Variants in COL1A2 observed in about 807,000 individuals in gnomAD.
COL1A2 encodes the protein collagen type I alpha 2 chain.
In COL1A2, 49 loss-of-function variants were observed where a neutral mutation model predicts 174.3. That is an observed-to-expected ratio of 0.28 (90% CI 0.22 to 0.36). The LOEUF (loss-of-function observed/expected upper bound fraction) is 0.36. Ranked by LOEUF, COL1A2 falls within the 10% of genes least tolerant of loss-of-function variation. COL1A2 has a pLI of 1.00. For missense variants in COL1A2, 1,438 were observed against 1,822.7 expected, an observed-to-expected ratio of 0.79 and a Z score of 3.84; for synonymous variants, 655 against 606.6, an observed-to-expected ratio of 1.08 and a Z score of -1.17.
At chr7:94,399,379 A>C (rs1364445384) in intron 4 of COL1A2, among the ~76,000 whole-genome samples, 1 of 152,164 alleles carries the variant, frequency 6.6e-6, no homozygotes, top group Non-Finnish European at 1.5e-5. Flanking sequence ...AAATATATCT[A>C]CCTACCACCA....
chr7:94,395,015 A>G lies in COL1A2; in HGVS notation c.-17A>G, dbSNP rs775681517. The G allele has an allele frequency of 8.7e-6, 14 of 1,612,610 alleles. No individual in the cohort carries two copies. The Admixed American group carries it at 2.3e-4, about 27-fold the overall frequency. On this transcript the variant is annotated 5_prime_UTR_variant, in exon 1 of 52. It removes an upstream start codon present in the reference 5' UTR. Coordinates refer to ENST00000297268, the MANE Select transcript of COL1A2 (RefSeq NM_000089.4). ...GGGCTCTGCGACACAAGGAGTCTGC[A>G]TGTCTAAGTGCTAGACATGCTCAGC...
rs1052617115 is a variant in COL1A2, at chr7:94,410,674, C to G, written c.1197+147C>G. 5.5e-6 allele frequency: 5 copies of G among 905,624 alleles called. No homozygotes were observed. The African/African-American group carries it at 8.3e-5, about 15-fold the overall frequency. The allele number at this position is 905,624 out of a possible 1,614,324, so 56.1% of individuals were successfully genotyped here. ...TCTGCCTTATTAAATCAGTGACTCT[C>G]AATTTAATATGTTATAAAATTGGCC... On this transcript the variant is annotated intron_variant, in intron 21 of 51. Transcript: ENST00000297268.
chr7:94,411,765 T>C (rs993255933), intron 23 of COL1A2, among the ~76,000 whole-genome samples: 2 of 152,248 alleles, frequency 1.3e-5, no homozygotes, highest in African/African-American at 2.4e-5. Flanking sequence ...TTAGTTTTTC[T>C]ATTATGAGGT....
chr7:94,396,983 G>A (rs1356207849), intron 1 of COL1A2, among the ~76,000 whole-genome samples: 1 of 151,922 alleles, frequency 6.6e-6, no homozygotes, highest in Non-Finnish European at 1.5e-5. Flanking sequence ...GCAAAAGGGG[G>A]GATAGTACTT....
intron 41 of COL1A2, 50 bp from the exon 42 acceptor site, chr7:94,425,067 G>A: frequency 3.9e-6 from 6 of 1,525,914 alleles, no homozygotes; most frequent in Non-Finnish European, 5.5e-6. Context: ...GGGAAGGTTA[G>A]CATTCCATCG....
chr7:94,397,847 T>C lies in COL1A2; in HGVS notation c.81+89T>C, dbSNP rs551787981. On this transcript the variant is annotated intron_variant, in intron 2 of 51. Coordinates refer to ENST00000297268, the MANE Select transcript of COL1A2 (RefSeq NM_000089.4). ...TCTCTTGGAAGGGAAGAAGTTACAT[T>C]AATATTGACCATCCTAGATTCCCAA... The C allele has an allele frequency of 2.4e-5, 18 of 759,928 alleles. No homozygotes were observed. The Admixed American group carries it at 4.0e-4, about 17-fold the overall frequency. The allele number at this position is 759,928 out of a possible 1,614,324, so 47.1% of individuals were successfully genotyped here.
At position 94,406,164 on chromosome 7, in the gene COL1A2, G is replaced by T. The variant is rs73426396; in HGVS notation, c.541-86G>T. On this transcript the variant is annotated intron_variant, in intron 11 of 51. Coordinates refer to ENST00000297268, the MANE Select transcript of COL1A2 (RefSeq NM_000089.4). ...CAGCAGACAAGACTTACCCAAGAGA[G>T]ATTAATGGCAAAGATATACAATACA... 1.2e-4 allele frequency: 163 copies of T among 1,394,280 alleles called. No homozygotes were observed. In the African/African-American group the frequency reaches 2.2e-3, roughly 19 times the overall value. 86.4% of individuals were successfully genotyped at this position (1,394,280 alleles called of 1,614,324 possible).
intron 4 of COL1A2, 41 bp from the exon 5 acceptor site, chr7:94,400,155 G>A (rs546389896): frequency 1.9e-6 from 3 of 1,580,948 alleles, no homozygotes; most frequent in Admixed American, 1.7e-5. Context: ...GGTTTCTACA[G>A]GGCCTGTCTA....
rs1791635232 is a variant in COL1A2 at position 94,399,038 on chromosome 7, C to A, written c.97-11C>A. ...GCATTTATTATTGTCCTGTTTGTAT[C>A]TTTCCTGTAGGGCCCAGCCGGAGAT... On this transcript the variant is annotated splice_polypyrimidine_tract_variant and intron_variant, in intron 3 of 51. Transcript: ENST00000297268. 1.9e-6 allele frequency: 3 copies of A among 1,613,214 alleles called. No homozygotes were observed. Among genetic ancestry groups the A allele is most frequent in the Admixed American group, 3.3e-5 (2 of 59,988 alleles).
At chr7:94,396,314 T>TTTTGTG (rs1791582214) in intron 1 of COL1A2, among the ~76,000 whole-genome samples, 1 of 149,640 alleles carries the variant, frequency 6.7e-6, no homozygotes, top group Non-Finnish European at 1.5e-5. Flanking sequence ...ATTTGTGTGC[T>TTTTGTG]TGTGTGTGTG....
rs761063195 is a variant in COL1A2, at chr7:94,408,368, C to T, written c.726C>T (p.Pro242=). ...GARGSDGSVG[P]VGPAGPIGSA... is the part of the protein sequence containing the mutation. ...GTGGCAGTGATGGAAGTGTGGGTCC[C>T]GTGGGTCCTGCTGTAAGTTTTGACA... Residue 242 remains proline, a synonymous_variant, in exon 15 of 52, where the codon CCC becomes CCT. Coordinates refer to ENST00000297268, the MANE Select transcript of COL1A2 (RefSeq NM_000089.4). 1.1e-5 allele frequency: 18 copies of T among 1,613,914 alleles called. No homozygotes were observed. Among genetic ancestry groups the T allele is most frequent in the African/African-American group, 1.3e-5 (1 of 74,862 alleles).
intron 25 of COL1A2, 110 bp from the exon 26 acceptor site, chr7:94,412,973 C>T: frequency 9.2e-7 from 1 of 1,084,276 alleles, no homozygotes; most frequent in Non-Finnish European, 1.4e-6. Context: ...GACTAGGGAT[C>T]TCAAAAGAAC....
intron 9 of COL1A2, 114 bp from the exon 10 acceptor site, chr7:94,405,085 T>G (rs538136047): frequency 7.2e-4 from 837 of 1,154,842 alleles, no homozygotes; most frequent in Non-Finnish European, 1.0e-3. Context: ...AATATATATC[T>G]GGATCCATAT....
At chr7:94,407,741 T>C in intron 12 of COL1A2, 106 bp from the exon 13 acceptor site, 1 of 907,794 alleles carries the variant, frequency 1.1e-6, no homozygotes, top group Non-Finnish European at 1.7e-6. Flanking sequence ...AGAAATATTA[T>C]GAAGTATATG....
intron 46 of COL1A2, 79 bp downstream of exon 46, chr7:94,426,609 C>A: frequency 9.1e-7 from 1 of 1,095,878 alleles, no homozygotes; most frequent in Non-Finnish European, 1.4e-6. Flanking sequence ...ATTTTCACTG[C>A]TATTGTTCCA....
intron 28 of COL1A2, 62 bp downstream of exon 28, chr7:94,414,009 A>T: frequency 6.8e-7 from 1 of 1,461,026 alleles, no homozygotes; most frequent in Non-Finnish European, 9.6e-7. Context: ...GTAAATCACC[A>T]TACCGTACCT....
At chr7:94,410,672 C>G in intron 21 of COL1A2, 145 bp downstream of exon 21, 1 of 909,818 alleles carries the variant, frequency 1.1e-6, no homozygotes, top group Non-Finnish European at 1.8e-6. Flanking sequence ...ATCAGTGACT[C>G]TCAATTTAAT....
chr7:94,396,153 A>T (rs530633415), intron 1 of COL1A2, among the ~76,000 whole-genome samples: 24 of 152,324 alleles, frequency 1.6e-4, no homozygotes, highest in African/African-American at 5.8e-4. Context: ...AATGAAGAAG[A>T]TCAGTCCGTT....
intron 31 of COL1A2, among the ~76,000 whole-genome samples, chr7:94,417,139 A>T (rs1473764552): frequency 6.6e-6 from 1 of 152,196 alleles, no homozygotes; most frequent in South Asian, 2.1e-4. Flanking sequence ...GTATGGAAGG[A>T]TGTTCTTGGG....
Sources: allele counts gnomAD v4.1 joint callset (sites outside exome capture counted in the v4.1 genomes callset), GRCh38; gene constraint gnomAD v4.1.1; transcripts MANE v1.5; gene names NCBI Gene and HGNC (gene_info 2026-07-23, HGNC 2026-07-21).